Variants in ATAD3C observed in about 807,000 individuals in gnomAD.
ATAD3C encodes the protein ATPase family AAA domain containing 3C.
Under a neutral mutation model 46.3 loss-of-function variants are expected in ATAD3C, and 38 were observed. The observed-to-expected ratio is 0.82, with a 90% confidence interval of 0.63 to 1.08. The LOEUF (loss-of-function observed/expected upper bound fraction) is 1.08, where lower values mean the gene tolerates loss of function less well. ATAD3C is among the 50% of genes least tolerant of loss of function. ATAD3C has a pLI of 0.00. For synonymous variants in ATAD3C, 220 were observed against 236.4 expected (o/e 0.93, Z 0.63); for missense variants, 563 against 572.7 (o/e 0.98, Z 0.17).
In ATAD3C at chr1:1,459,882, AG is replaced by A. The variant is rs1252391981; in HGVS notation, c.812+653del. Among the ~76,000 whole-genome samples the A allele has an allele frequency of 6.6e-6, 1 of 151,750 alleles. No individual in the cohort carries two copies. Among genetic ancestry groups the A allele is most frequent in the African/African-American group, 2.4e-5 (1 of 41,318 alleles). Reference sequence around the variant, plus strand: ...CCAGCCCCAGTCACGTGTCACATGGAGGATCAAGTCCTGCTGGTCGGCCGTG... The same window carrying A: ...CCAGCCCCAGTCACGTGTCACATGGAGATCAAGTCCTGCTGGTCGGCCGTG... On this transcript the variant is annotated intron_variant, in intron 9 of 11. Transcript: ENST00000378785. This position sits in a 1 kb window ranked among gnomAD's most constrained non-coding sequence, Gnocchi z 4.9.
chr1:1,451,924 G>A lies in ATAD3C; in HGVS notation c.76-122G>A, dbSNP rs1461422601. 3 of 1,467,198 alleles carry A rather than the reference G, an allele frequency of 2.0e-6. No homozygotes were observed. The African/African-American group carries it at 4.3e-5, about 21-fold the overall frequency. 90.9% of individuals were successfully genotyped at this position (1,467,198 alleles called of 1,614,324 possible). On this transcript the variant is annotated intron_variant, in intron 1 of 11. Transcript: ENST00000378785. ...TCTGTGTCAGGGTGCGGCGTCTGCA[G>A]GTCCCCAGGTGCCCGGGACGCTTGG...
chr1:1,467,202 T>C (rs1431254600), intron 11 of ATAD3C, among the ~76,000 whole-genome samples: 46 of 152,104 alleles, frequency 3.0e-4, no homozygotes, highest in Middle Eastern at 3.4e-3. Flanking sequence ...CCGTGCTTCC[T>C]GGAGGGGTGG....
In ATAD3C at chr1:1,449,964, T is replaced by C. The variant is rs1312506304; in HGVS notation, c.-720T>C. 2 of 152,058 alleles carry C rather than the reference T, an allele frequency of 1.3e-5. No individual in the cohort carries two copies. The highest frequency in any genetic ancestry group is 1.3e-4 in the Admixed American group (2 of 15,224). 9.4% of individuals were successfully genotyped at this position (152,058 alleles called of 1,614,324 possible). A position where few individuals can be genotyped will look rare whatever the true frequency, so the allele number is the denominator to read the frequency against. ...CTGAGCTTGTTGGCTGCTATCTAATTCTTATTCTTTCATTTTCTTGCCCGC... is the reference window on the plus strand; with the variant it reads ...CTGAGCTTGTTGGCTGCTATCTAATCCTTATTCTTTCATTTTCTTGCCCGC... On this transcript the variant is annotated 5_prime_UTR_variant, in exon 1 of 12. Coordinates refer to ENST00000378785, the MANE Select transcript of ATAD3C (RefSeq NM_001039211.3).
Position 1,462,485 on chromosome 1 carries a change from C to G in ATAD3C, c.981-115C>G, listed in dbSNP as rs1639084213. ...AACTTGGCTGTCACAGGTAGAGAGTCCCTCTCAAGGGGGCATCTGGCATGG... is the reference window on the plus strand; with the variant it reads ...AACTTGGCTGTCACAGGTAGAGAGTGCCTCTCAAGGGGGCATCTGGCATGG... On this transcript the variant is annotated intron_variant, in intron 10 of 11. Coordinates refer to ENST00000378785, the MANE Select transcript of ATAD3C (RefSeq NM_001039211.3). The surrounding 1 kb of genome is among the most constrained non-coding windows in gnomAD (Gnocchi z 4.5). The G allele has an allele frequency of 9.2e-7, 1 of 1,090,938 alleles. No individual in the cohort carries two copies. Among genetic ancestry groups the G allele is most frequent in the Non-Finnish European group, 1.4e-6 (1 of 739,180 alleles). 67.6% of individuals were successfully genotyped at this position (1,090,938 alleles called of 1,614,324 possible). A position where few individuals can be genotyped will look rare whatever the true frequency, so the allele number is the denominator to read the frequency against.
rs1364857772 is a variant in ATAD3C, at chr1:1,460,900, G to A, written c.963G>A (p.Pro321=). ...ATCTTAACGAGTATGTTCTTAAGCC[G>A]GCCACAGAAGGAAAGCGGTAAGTGT... is the stretch of plus-strand genomic sequence containing the variant. ...RMYLNEYVLK[P]ATEGKRRLKL... is the part of the protein sequence containing the mutation. The change falls in exon 10 of 12, where the codon CCG becomes CCA. Residue 321 remains proline (P), a synonymous_variant. Transcript: ENST00000378785. The A allele has an allele frequency of 1.9e-5, 31 of 1,609,100 alleles. No individual in the cohort carries two copies. Among genetic ancestry groups the A allele is most frequent in the Middle Eastern group, 1.7e-4 (1 of 6,056 alleles).
In ATAD3C at chr1:1,469,939, T is replaced by C. The variant is rs2100496703; in HGVS notation, c.*1409T>C. The stretch of plus-strand genomic sequence containing the variant: ...CCCCACCCTAGCTGATCAATGTACT[T>C]TGCAATCTCCCCCACCCTTAAGAAG... On this transcript the variant is annotated 3_prime_UTR_variant, in exon 12 of 12. Transcript: ENST00000378785. 1 of 152,022 alleles carries C rather than the reference T, an allele frequency of 6.6e-6. No individual in the cohort carries two copies. The highest frequency in any genetic ancestry group is 1.9e-4 in the East Asian group (1 of 5,186). 9.4% of individuals were successfully genotyped at this position (152,022 alleles called of 1,614,324 possible). A position where few individuals can be genotyped will look rare whatever the true frequency, so the allele number is the denominator to read the frequency against.
At chr1:1,456,942 C>G (rs900644872) in intron 7 of ATAD3C, among the ~76,000 whole-genome samples, 187 bp from the exon 8 acceptor site, 1 of 151,994 alleles carries the variant, frequency 6.6e-6, no homozygotes, top group Non-Finnish European at 1.5e-5. Flanking sequence ...GGGGGTGAAG[C>G]CTGCGGGGCA....
chr1:1,469,460 CA>C lies in ATAD3C; in HGVS notation c.*934del, dbSNP rs1450211148. On this transcript the variant is annotated 3_prime_UTR_variant, in exon 12 of 12. Coordinates refer to ENST00000378785, the MANE Select transcript of ATAD3C (RefSeq NM_001039211.3). Reference sequence around the variant, plus strand: ...GAGTGAGACTGTACCTCTAAATAACCAAAACCTTGATTACAGCCATGGGGTG... The same window carrying C: ...GAGTGAGACTGTACCTCTAAATAACCAAACCTTGATTACAGCCATGGGGTG... 4 of 108,330 alleles carry C rather than the reference CA, an allele frequency of 3.7e-5. No homozygotes were observed. Among genetic ancestry groups the C allele is most frequent in the Admixed American group, 2.6e-4 (2 of 7,754 alleles). 6.7% of individuals were successfully genotyped at this position (108,330 alleles called of 1,614,324 possible).
In ATAD3C at chr1:1,459,284, C is replaced by A. The variant is rs1238244406; in HGVS notation, c.812+53C>A. On this transcript the variant is annotated intron_variant, in intron 9 of 11. Transcript: ENST00000378785. The surrounding 1 kb of genome is among the most constrained non-coding windows in gnomAD (Gnocchi z 4.9). ...CCCGGGCAGGGCTGTGCAGCCGTCA[C>A]CCTTGGTTCCCACCGAGGGACCTGA... The A allele has an allele frequency of 1.4e-6, 2 of 1,468,756 alleles. No homozygotes were observed. The highest frequency in any genetic ancestry group is 3.4e-5 in the South Asian group (2 of 59,268). 91.0% of individuals were successfully genotyped at this position (1,468,756 alleles called of 1,614,324 possible). A position where few individuals can be genotyped will look rare whatever the true frequency, so the allele number is the denominator to read the frequency against.
Position 1,455,522 on chromosome 1 carries a change from A to G in ATAD3C, c.438+3A>G, listed in dbSNP as rs572299734. 3.8e-5 allele frequency: 61 copies of G among 1,612,346 alleles called. 2 individuals are homozygous for G. Among genetic ancestry groups the G allele is most frequent in the Non-Finnish European group, 4.4e-5 (52 of 1,179,472 alleles). Reference sequence around the variant, plus strand: ...TGCTGGAGGGTGTTGTGCTTAGTGTAAGTCGGTGTGCCTGGGACCGGGGAG... The same window carrying G: ...TGCTGGAGGGTGTTGTGCTTAGTGTGAGTCGGTGTGCCTGGGACCGGGGAG... On this transcript the variant is annotated splice_donor_region_variant and intron_variant, in intron 5 of 11. Transcript: ENST00000378785.
intron 4 of ATAD3C, among the ~76,000 whole-genome samples, chr1:1,454,928 A>T (rs1638928450): frequency 6.6e-6 from 1 of 151,760 alleles, no homozygotes. Context: ...TAAGAAAATA[A>T]AAGCTGGCCG....
chr1:1,464,662 T>C (rs1639119822), intron 11 of ATAD3C, among the ~76,000 whole-genome samples: 1 of 151,732 alleles, frequency 6.6e-6, no homozygotes, highest in Non-Finnish European at 1.5e-5. Flanking sequence ...TCCCAGCTAC[T>C]CAGGAGGCTG....
chr1:1,454,602 C>T, intron 4 of ATAD3C, 102 bp downstream of exon 4: 1 of 1,472,946 alleles, frequency 6.8e-7, no homozygotes, highest in Non-Finnish European at 9.0e-7. Flanking sequence ...CTTCCCTTTC[C>T]CCGGATAACA....
At chr1:1,457,456 C>T (rs954812277) in intron 8 of ATAD3C, among the ~76,000 whole-genome samples, 59 of 151,142 alleles carry the variant, frequency 3.9e-4, no homozygotes, top group African/African-American at 1.2e-3. Context: ...ATTAGCTGTG[C>T]GTGGTGGCGG....
intron 11 of ATAD3C, 49 bp from the exon 12 acceptor site, chr1:1,468,335 G>A: frequency 1.9e-6 from 3 of 1,576,900 alleles, no homozygotes; most frequent in Non-Finnish European, 2.6e-6. Context: ...TGCATTTGGG[G>A]TGGGGGGTTC....
chr1:1,466,096 G>A (rs546620863), intron 11 of ATAD3C, among the ~76,000 whole-genome samples: 1 of 151,860 alleles, frequency 6.6e-6, no homozygotes, highest in South Asian at 2.1e-4. Flanking sequence ...TACAAAATTA[G>A]TTGGGCGTGG....
intron 8 of ATAD3C, among the ~76,000 whole-genome samples, chr1:1,458,948 C>T (rs1398936566): frequency 2.0e-5 from 3 of 151,742 alleles, no homozygotes; most frequent in Non-Finnish European, 2.9e-5. Flanking sequence ...CTCAAACTCC[C>T]AACCTCGTGT....
At chr1:1,453,245 C>T (rs1638895059) in intron 3 of ATAD3C, among the ~76,000 whole-genome samples, 1 of 152,112 alleles carries the variant, frequency 6.6e-6, no homozygotes, top group Admixed American at 6.6e-5. Flanking sequence ...CTCTGTCTTC[C>T]AGGCTGGAGT....
chr1:1,455,316 G>GCGGGGCGGGGTTCCAGCTC, intron 4 of ATAD3C, 144 bp from the exon 5 acceptor site: 1 of 1,200,526 alleles, frequency 8.3e-7, no homozygotes, highest in African/African-American at 1.5e-5. Context: ...CAGTCTCCCG[G>GCGGGGCGGGGTTCCAGCTC]CGGGGCGGGG....
Sources: gnomAD v4.1 joint callset for allele counts (sites outside exome capture counted in the v4.1 genomes callset) on GRCh38, gnomAD v4.1.1 for gene constraint, Gnocchi (gnomAD v3.1) non-coding constraint, MANE v1.5 for transcripts, NCBI Gene and HGNC (gene_info 2026-07-23, HGNC 2026-07-21) for gene names.